IPCEF1: variants seen among roughly 807,000 people sequenced by gnomAD.
IPCEF1 encodes interactor protein for cytohesin exchange factors 1.
In IPCEF1, 31 loss-of-function variants were observed where a neutral mutation model predicts 50.9. The observed-to-expected ratio is 0.61, with a 90% CI of 0.46 to 0.82. The LOEUF is 0.82. IPCEF1 is among the 40% of genes least tolerant of loss of function. The pLI, the probability that IPCEF1 is intolerant of heterozygous loss-of-function variation, is 0.00. For synonymous variants in IPCEF1, 181 were observed against 192.0 expected (o/e 0.94, Z 0.47); for missense variants, 458 against 514.0 (o/e 0.89, Z 1.05).
At chr6:154,297,708 C>T (rs1782699083) in intron 1 of IPCEF1, among the ~76,000 whole-genome samples, 1 of 152,232 alleles carries the variant, frequency 6.6e-6, no homozygotes, top group African/African-American at 2.4e-5. Context: ...CCACTTTCTT[C>T]TATTCATTTT....
intron 10 of IPCEF1, among the ~76,000 whole-genome samples, chr6:154,179,922 T>G (rs1800687924): frequency 1.3e-5 from 2 of 152,162 alleles, no homozygotes; most frequent in East Asian, 3.8e-4. Flanking sequence ...GCCGAGATTG[T>G]AAATTTTTAA....
At chr6:154,188,626 T>C (rs1485609073) in intron 10 of IPCEF1, among the ~76,000 whole-genome samples, 2 of 152,190 alleles carry the variant, frequency 1.3e-5, no homozygotes, top group Non-Finnish European at 2.9e-5. Flanking sequence ...TGTTACCAGA[T>C]TTTAAAACTT....
At chr6:154,282,337 CA>C (rs1429463681) in intron 2 of IPCEF1, among the ~76,000 whole-genome samples, 4 of 152,090 alleles carry the variant, frequency 2.6e-5, no homozygotes, top group Non-Finnish European at 5.9e-5. Context: ...GAAGAGATTA[CA>C]ATGTCATCTC....
At chr6:154,334,466 C>A (rs969340327) in intron 1 of IPCEF1, among the ~76,000 whole-genome samples, 4 of 137,112 alleles carry the variant, frequency 2.9e-5, no homozygotes, top group African/African-American at 7.5e-5. Context: ...TATAAGGCAT[C>A]AAAGGCAAGT....
At chr6:154,284,660 ATC>A (rs1782312625) in intron 2 of IPCEF1, among the ~76,000 whole-genome samples, 1 of 152,140 alleles carries the variant, frequency 6.6e-6, no homozygotes, top group African/African-American at 2.4e-5. Flanking sequence ...GGAGTAGAGG[ATC>A]TCTCCCCTCC....
rs370838045 is a variant in IPCEF1, at chr6:154,341,363, A to T, written c.-62+15309T>A. The stretch of plus-strand genomic sequence containing the variant: ...AAAAAATTCAAGAGAGATGGAGTAC[A>T]AGTCGCCAGGGTGGAAGAGGCTGAA... On this transcript the variant is annotated intron_variant, in intron 1 of 11. Coordinates refer to ENST00000367220, the MANE Select transcript of IPCEF1 (RefSeq NM_001130700.2). Among the ~76,000 whole-genome samples the T allele has an allele frequency of 3.3e-5, 5 of 152,308 alleles. No individual in the cohort carries two copies. In the East Asian group the frequency reaches 5.8e-4, roughly 18 times the overall value.
rs1798743897 is a variant in IPCEF1 at position 154,157,003 on chromosome 6, TCA to T, written c.*2823_*2824del. 6.6e-6 allele frequency: 1 copy of T among 152,192 alleles called. No homozygotes were observed. Among genetic ancestry groups the T allele is most frequent in the Non-Finnish European group, 1.5e-5 (1 of 68,100 alleles). 9.4% of individuals were successfully genotyped at this position (152,192 alleles called of 1,614,324 possible). ...ATGGTTTTCTCTCTCATTCCACAGCTCACAGACACTGCAGGACTGGGTATAGG... is the reference window on the plus strand; with the variant it reads ...ATGGTTTTCTCTCTCATTCCACAGCTCAGACACTGCAGGACTGGGTATAGG... On this transcript the variant is annotated 3_prime_UTR_variant, in exon 12 of 12. Coordinates refer to ENST00000367220, the MANE Select transcript of IPCEF1 (RefSeq NM_001130700.2).
intron 1 of IPCEF1, among the ~76,000 whole-genome samples, chr6:154,323,834 T>A (rs1455473612): frequency 6.6e-6 from 1 of 152,176 alleles, no homozygotes; most frequent in Non-Finnish European, 1.5e-5. Flanking sequence ...ACGCCTGTAA[T>A]CCCAACTGCT....
intron 6 of IPCEF1, chr6:154,222,951 T>C (rs1778983629): frequency 3.5e-6 from 2 of 576,498 alleles, no homozygotes; most frequent in Admixed American, 5.8e-5. Context: ...CAAGACTTCG[T>C]GGGGGTTTTA....
intron 1 of IPCEF1, among the ~76,000 whole-genome samples, chr6:154,307,721 T>C (rs1435156131): frequency 2.0e-5 from 3 of 152,256 alleles, no homozygotes; most frequent in Non-Finnish European, 4.4e-5. Flanking sequence ...TTCACAGATC[T>C]GCATTTAATG....
intron 10 of IPCEF1, among the ~76,000 whole-genome samples, chr6:154,198,257 T>A (rs568197540): frequency 2.6e-5 from 4 of 152,184 alleles, no homozygotes; most frequent in Non-Finnish European, 5.9e-5. Flanking sequence ...TCCAAGGAGA[T>A]ACAATTAAGC....
intron 7 of IPCEF1, among the ~76,000 whole-genome samples, chr6:154,218,305 C>T (rs1778577546): frequency 6.6e-6 from 1 of 152,204 alleles, no homozygotes; most frequent in Non-Finnish European, 1.5e-5. Context: ...AGAAAGGCAG[C>T]TCCCGTCTTT....
chr6:154,306,556 A>G (rs1262714621), intron 1 of IPCEF1: 1 of 152,240 alleles, frequency 6.6e-6, no homozygotes, highest in African/African-American at 2.4e-5. Flanking sequence ...TCAAGAAACT[A>G]AGACCCAGAG....
At chr6:154,261,696 AT>A (rs1781605999) in intron 3 of IPCEF1, among the ~76,000 whole-genome samples, 1 of 152,214 alleles carries the variant, frequency 6.6e-6, no homozygotes, top group Admixed American at 6.5e-5. Flanking sequence ...AAAATTTCAA[AT>A]AACACTTAAA....
chr6:154,338,492 G>A (rs924656454), intron 1 of IPCEF1, among the ~76,000 whole-genome samples: 3 of 152,186 alleles, frequency 2.0e-5, no homozygotes, highest in Admixed American at 6.5e-5. Flanking sequence ...TTTGAAAAGA[G>A]AAGGTCTTTA....
In IPCEF1 at chr6:154,159,930, G is replaced by A; in HGVS notation, c.1215C>T (p.Ile405=). 2.5e-6 allele frequency: 4 copies of A among 1,613,554 alleles called. No homozygotes were observed. Among genetic ancestry groups the A allele is most frequent in the Non-Finnish European group, 3.4e-6 (4 of 1,179,726 alleles). ...CAGGCGAAGCCCGCTGCTGCTGATA[G>A]ATGTCCTGGATCAGCAGGGTGTTCA... ...KVMNTLLIQD[I]YQQQRASPAP... is the part of the protein sequence containing the mutation. The change falls in exon 12 of 12, where the codon ATC becomes ATT. Residue 405 remains isoleucine, a synonymous_variant. Transcript: ENST00000367220.
intron 10 of IPCEF1, among the ~76,000 whole-genome samples, chr6:154,179,439 T>C (rs922002197): frequency 2.6e-5 from 4 of 152,230 alleles, no homozygotes; most frequent in African/African-American, 9.6e-5. Context: ...GAAAAAAGAT[T>C]GGCAGAGAAG....
rs1411072938 is a variant in IPCEF1, at chr6:154,158,175, A to G, written c.*1653T>C. ...ACAACTATTTCCATTTTGTTTGCAGATATAATTCAGGTGGTTCCTTCCATT... is the reference window on the plus strand; with the variant it reads ...ACAACTATTTCCATTTTGTTTGCAGGTATAATTCAGGTGGTTCCTTCCATT... On this transcript the variant is annotated 3_prime_UTR_variant, in exon 12 of 12. Transcript: ENST00000367220. 1.3e-5 allele frequency: 2 copies of G among 152,340 alleles called. No homozygotes were observed. Among genetic ancestry groups the G allele is most frequent in the African/African-American group, 4.8e-5 (2 of 41,576 alleles). 9.4% of individuals were successfully genotyped at this position (152,340 alleles called of 1,614,324 possible).
chr6:154,251,392 A>G (rs562121220), intron 3 of IPCEF1, among the ~76,000 whole-genome samples: 1 of 152,300 alleles, frequency 6.6e-6, no homozygotes, highest in South Asian at 2.1e-4. Flanking sequence ...TCTTATTTTA[A>G]AAAACCACAA....
Sources: gnomAD v4.1 joint callset for allele counts (sites outside exome capture counted in the v4.1 genomes callset) on GRCh38, gnomAD v4.1.1 for gene constraint, MANE v1.5 for transcripts, NCBI Gene and HGNC (gene_info 2026-07-23, HGNC 2026-07-21) for gene names.